DTNB: variants seen among roughly 807,000 people sequenced by gnomAD.
The protein encoded by DTNB is dystrobrevin beta.
Under a neutral mutation model 90.7 loss-of-function variants are expected in DTNB, and 63 were observed. That is an observed-to-expected ratio of 0.69 (90% CI 0.57 to 0.86). The LOEUF (loss-of-function observed/expected upper bound fraction) is 0.86. DTNB is among the 40% of genes least tolerant of loss of function. The pLI is 0.00. For synonymous variants in DTNB, 277 were observed against 286.7 expected (o/e 0.97, Z 0.34); for missense variants, 744 against 807.1 (o/e 0.92, Z 0.95).
At position 25,628,310 on chromosome 2, in the gene DTNB, C is replaced by T. The variant is rs754732294; in HGVS notation, c.223G>A (p.Glu75Lys). The change falls in exon 4 of 21, where the codon GAG becomes AAG. Residue 75 changes from glutamate (E) to lysine (K), a missense_variant. Glu to Lys is a moderately conservative substitution (Grantham distance 56, BLOSUM62 1). Transcript: ENST00000406818. The stretch of plus-strand genomic sequence containing the variant: ...GTTTCGAGGCGGGACACACTGATCT[C>T]GGTGGTATGGTCCAGTGTATTAAGG... ...NGLNTLDHTT[E>K]ISVSRLETVI... 5 of 1,613,482 alleles carry T rather than the reference C, an allele frequency of 3.1e-6. No homozygotes were observed. The highest frequency in any genetic ancestry group is 1.7e-5 in the Admixed American group (1 of 59,956).
At chr2:25,405,618 T>C (rs973195395) in intron 16 of DTNB, among the ~76,000 whole-genome samples, 7 of 152,140 alleles carry the variant, frequency 4.6e-5, no homozygotes, top group Non-Finnish European at 1.0e-4. Context: ...GTTTTTTTTT[T>C]CAACAGACCA....
chr2:25,419,527 C>T lies in DTNB; in HGVS notation c.1563G>A (p.Glu521=), dbSNP rs1366446086. 2.6e-6 allele frequency: 4 copies of T among 1,557,846 alleles called. No individual in the cohort carries two copies. The highest frequency in any genetic ancestry group is 2.6e-6 in the Non-Finnish European group (3 of 1,150,424). ...EELMKLLKEE[E]QKQAAQATGS... ...GAAGTTCACTTACTGCCTGCTTTTG[C>T]TCTTCCTCCTGGAGTGTTGAAGATG... Residue 521 remains glutamate, a synonymous_variant, in exon 16 of 21, where the codon GAG becomes GAA. Transcript: ENST00000406818.
chr2:25,571,551 G>A (rs1019513204), intron 8 of DTNB, among the ~76,000 whole-genome samples: 1 of 152,070 alleles, frequency 6.6e-6, no homozygotes, highest in Non-Finnish European at 1.5e-5. Flanking sequence ...CTCTTCCCCA[G>A]ATCTCTGCTG....
rs763021648 is a variant in DTNB at position 25,451,606 on chromosome 2, T to A, written c.1199A>T (p.Glu400Val). Residue 400 changes from glutamate (E) to valine (V), a missense_variant, in exon 12 of 21, where the codon GAG (glutamate) becomes GTG (valine). Coordinates refer to ENST00000406818, the MANE Select transcript of DTNB (RefSeq NM_021907.5). The stretch of plus-strand genomic sequence containing the variant: ...ATAGCGAGCTATAAGACGGTGTTCC[T>A]CATCCAGTCGGCTAGGACTGTCCAG... ...RVLDSPSRLD[E>V]EHRLIARYAA... The A allele has an allele frequency of 6.2e-7, 1 of 1,605,964 alleles. No homozygotes were observed. The highest frequency in any genetic ancestry group is 8.5e-7 in the Non-Finnish European group (1 of 1,176,186).
chr2:25,484,056 C>T (rs890243326), intron 9 of DTNB, among the ~76,000 whole-genome samples: 1 of 152,176 alleles, frequency 6.6e-6, no homozygotes, highest in African/African-American at 2.4e-5. Context: ...GTTTTGCCTG[C>T]TGCAAACCTA....
At chr2:25,469,957 C>A (rs1230012001) in intron 10 of DTNB, among the ~76,000 whole-genome samples, 2 of 152,148 alleles carry the variant, frequency 1.3e-5, no homozygotes, top group Non-Finnish European at 2.9e-5. Context: ...AAGAAACGAC[C>A]ACTGTCACCT....
At chr2:25,605,175 A>AAAC (rs1213775054) in intron 5 of DTNB, among the ~76,000 whole-genome samples, 1 of 152,272 alleles carries the variant, frequency 6.6e-6, no homozygotes, top group Non-Finnish European at 1.5e-5. Context: ...AAAAATAATG[A>AAAC]AACAGACCTA....
chr2:25,558,390 T>C (rs1252919506), intron 8 of DTNB: 2 of 985,260 alleles, frequency 2.0e-6, no homozygotes, highest in East Asian at 2.3e-4. Context: ...CACTCTCCAG[T>C]GCAGCTCTGG....
intron 7 of DTNB, 104 bp from the exon 8 acceptor site, chr2:25,577,108 G>A: frequency 8.0e-7 from 1 of 1,244,642 alleles, no homozygotes; most frequent in Non-Finnish European, 1.1e-6. Context: ...TCAATACAGA[G>A]GAATACCAAA....
chr2:25,414,937 G>GTGAA (rs1237294911), intron 16 of DTNB, among the ~76,000 whole-genome samples: 1 of 152,108 alleles, frequency 6.6e-6, no homozygotes, highest in Non-Finnish European at 1.5e-5. Context: ...CAGTCACTCA[G>GTGAA]TGAAGTCTTA....
chr2:25,642,776 T>G (rs2078622166), intron 2 of DTNB, among the ~76,000 whole-genome samples: 1 of 151,802 alleles, frequency 6.6e-6, no homozygotes. Flanking sequence ...TGTTTTGAGA[T>G]AGAGTCTCGC....
At chr2:25,591,899 A>C (rs1217860103) in intron 6 of DTNB, among the ~76,000 whole-genome samples, 5 of 151,790 alleles carry the variant, frequency 3.3e-5, no homozygotes, top group Non-Finnish European at 2.9e-5. Flanking sequence ...CATCTCTACT[A>C]CAAATACAAA....
At chr2:25,622,110 C>A (rs2072881254) in intron 4 of DTNB, among the ~76,000 whole-genome samples, 1 of 151,828 alleles carries the variant, frequency 6.6e-6, no homozygotes. Flanking sequence ...GTAAAGGCCA[C>A]AGACTCATTT....
chr2:25,639,106 C>A lies in DTNB; in HGVS notation c.68-12G>T. 3 of 1,562,108 alleles carry A rather than the reference C, an allele frequency of 1.9e-6. No individual in the cohort carries two copies. The highest frequency in any genetic ancestry group is 2.6e-6 in the Non-Finnish European group (3 of 1,148,902). On this transcript the variant is annotated splice_polypyrimidine_tract_variant and intron_variant, in intron 2 of 20. Coordinates refer to ENST00000406818, the MANE Select transcript of DTNB (RefSeq NM_021907.5). ...AAAATTCTGAGCACCTGAAAAAAGG[C>A]AAACAGAAATGCTCAACTAGATTTA... is the stretch of plus-strand genomic sequence containing the variant.
At chr2:25,590,411 G>C (rs931016859) in intron 6 of DTNB, among the ~76,000 whole-genome samples, 9 of 152,208 alleles carry the variant, frequency 5.9e-5, no homozygotes, top group African/African-American at 2.2e-4. Flanking sequence ...GTTCGGAGGA[G>C]ACTCGCAATG....
chr2:25,640,537 C>T (rs536531562), intron 2 of DTNB, among the ~76,000 whole-genome samples: 24 of 152,234 alleles, frequency 1.6e-4, no homozygotes, highest in South Asian at 1.5e-3. Context: ...ATACCTGGTT[C>T]TCACAAAATA....
chr2:25,386,566 A>C (rs762503816), intron 18 of DTNB, among the ~76,000 whole-genome samples: 4 of 152,164 alleles, frequency 2.6e-5, no homozygotes, highest in Non-Finnish European at 5.9e-5. Context: ...TCTGGCCCCT[A>C]CGTAACTGGT....
chr2:25,541,013 G>T (rs1388383031), intron 8 of DTNB, among the ~76,000 whole-genome samples: 1 of 124,094 alleles, frequency 8.1e-6, no homozygotes, highest in Non-Finnish European at 1.7e-5. Context: ...CCCTCTGCGA[G>T]AAACACCCAA....
At chr2:25,451,834 T>C (rs1430844582) in intron 11 of DTNB, among the ~76,000 whole-genome samples, 199 bp from the exon 12 acceptor site, 1 of 152,232 alleles carries the variant, frequency 6.6e-6, no homozygotes, top group African/African-American at 2.4e-5. Context: ...CATTCCTCAC[T>C]GGCAGCACAT....
Sources: allele counts gnomAD v4.1 joint callset (sites outside exome capture counted in the v4.1 genomes callset), GRCh38; gene constraint gnomAD v4.1.1; transcripts MANE v1.5; gene names NCBI Gene and HGNC (gene_info 2026-07-23, HGNC 2026-07-21).